The following CDKN2B-AS1 variants were observed in gnomAD, a reference collection of about 807,000 sequenced individuals.
The protein encoded by CDKN2B-AS1 is CDKN2B and CDKN2A antisense cis and trans regulatory RNA 1, also known as CDKN2B antisense RNA 1 (non-protein coding).
At chr9:22,112,220 A>G (rs1167458208) in intron 4 of CDKN2B-AS1, 1 of 152,268 alleles carries the variant, frequency 6.6e-6, no homozygotes, top group African/African-American at 2.4e-5. Flanking sequence ...GCTGGACTCT[A>G]GAACAGCCAA....
chr9:22,018,017 G>A (rs1441610443), intron 1 of CDKN2B-AS1, among the ~76,000 whole-genome samples: 2 of 152,200 alleles, frequency 1.3e-5, no homozygotes, highest in Non-Finnish European at 2.9e-5. Flanking sequence ...AGGAGGGGTA[G>A]TGAGGTATTG....
chr9:22,104,544 A>G (rs909124509), intron 4 of CDKN2B-AS1, among the ~76,000 whole-genome samples: 1 of 152,108 alleles, frequency 6.6e-6, no homozygotes, highest in African/African-American at 2.4e-5. Context: ...AGCCACTAAG[A>G]CTACTTCCCA....
intron 4 of CDKN2B-AS1, among the ~76,000 whole-genome samples, chr9:22,079,597 G>A (rs868866272): frequency 2.0e-5 from 3 of 152,066 alleles, no homozygotes; most frequent in Non-Finnish European, 1.5e-5. Context: ...GTGGAAAAGT[G>A]AATTGAGGCT....
intron 4 of CDKN2B-AS1, chr9:22,061,887 G>A (rs1366461799): frequency 6.6e-6 from 1 of 152,016 alleles, no homozygotes; most frequent in Non-Finnish European, 1.5e-5. Context: ...TGTAAAATAT[G>A]TAGGCTTGTG....
intron 4 of CDKN2B-AS1, among the ~76,000 whole-genome samples, chr9:22,082,777 C>T (rs1350932025): frequency 1.3e-5 from 2 of 152,158 alleles, no homozygotes; most frequent in African/African-American, 2.4e-5. Flanking sequence ...CTCTAGCTTG[C>T]TGGTAGTTAG....
intron 4 of CDKN2B-AS1, chr9:22,092,451 C>A (rs970952934): frequency 6.6e-6 from 1 of 152,122 alleles, no homozygotes; most frequent in African/African-American, 2.4e-5. Context: ...TCCATCTGGT[C>A]CTGGACTTTT....
intron 1 of CDKN2B-AS1, chr9:22,012,085 G>C: frequency 1.5e-6 from 1 of 679,216 alleles, no homozygotes; most frequent in Non-Finnish European, 2.6e-6. Context: ...ATATGACCTT[G>C]ATATAGAAGT....
intron 4 of CDKN2B-AS1, among the ~76,000 whole-genome samples, chr9:22,074,827 G>A (rs138092364): frequency 6.6e-6 from 1 of 152,318 alleles, no homozygotes; most frequent in African/African-American, 2.4e-5. Context: ...TCTTAAGCCA[G>A]ACAGACCAGC....
chr9:22,047,826 G>T lies in CDKN2B-AS1; in HGVS notation n.179+926G>T, dbSNP rs192662764. Among the ~76,000 whole-genome samples, 791 of 148,090 alleles carry T rather than the reference G, an allele frequency of 5.3e-3. 8 individuals are homozygous for T. Among genetic ancestry groups the T allele is most frequent in the African/African-American group, 0.018 (737 of 40,216 alleles). On this transcript the variant is annotated intron_variant and non_coding_transcript_variant, in intron 2 of 4. Coordinates refer to ENST00000650946, the Ensembl canonical transcript of CDKN2B-AS1. ...TTTTTAGACAGGGAATCATTCTGTT[G>T]CCCAGGCTGTAATGCAGTGGCACAA...
intron 1 of CDKN2B-AS1, among the ~76,000 whole-genome samples, chr9:22,033,862 C>G (rs1822578589): frequency 6.6e-6 from 1 of 152,180 alleles, no homozygotes. Flanking sequence ...TGTGCTATCT[C>G]ATTCCAGTTT....
At chr9:22,118,166 C>T (rs1415203663) in intron 4 of CDKN2B-AS1, 3 of 152,324 alleles carry the variant, frequency 2.0e-5, no homozygotes, top group South Asian at 4.2e-4. Flanking sequence ...GCCATTCTCT[C>T]CACATTGCCT....
intron 4 of CDKN2B-AS1, among the ~76,000 whole-genome samples, chr9:22,115,548 T>C (rs1825927172): frequency 6.6e-6 from 1 of 152,206 alleles, no homozygotes; most frequent in Admixed American, 6.5e-5. Context: ...GCCTTTTCTT[T>C]CTTCTCAAAA....
chr9:22,018,902 C>T (rs1431228426), intron 1 of CDKN2B-AS1, among the ~76,000 whole-genome samples: 2 of 152,130 alleles, frequency 1.3e-5, no homozygotes, highest in Non-Finnish European at 2.9e-5. Context: ...AATTTCAAAA[C>T]ATGGTAAGTG....
intron 4 of CDKN2B-AS1, among the ~76,000 whole-genome samples, chr9:22,091,551 C>T (rs573214899): frequency 2.6e-3 from 399 of 152,122 alleles, no homozygotes; most frequent in Non-Finnish European, 4.3e-3. Flanking sequence ...ACATCCCTTG[C>T]AAGTTGGATT....
intron 4 of CDKN2B-AS1, among the ~76,000 whole-genome samples, chr9:22,124,269 T>G (rs1817983000): frequency 3.3e-5 from 5 of 152,202 alleles, no homozygotes; most frequent in African/African-American, 7.2e-5. Flanking sequence ...TCCCACATTT[T>G]AAGGGCATTA....
rs184643357 is a variant in CDKN2B-AS1, at chr9:22,000,667, C to T, written n.29+5506C>T. 6.6e-6 allele frequency among the ~76,000 whole-genome samples: 1 copy of T among 152,142 alleles called. No individual in the cohort carries two copies. Among genetic ancestry groups the T allele is most frequent in the Non-Finnish European group, 1.5e-5 (1 of 68,002 alleles). ...AAAACTCTGTGTTGACAATAATCTG[C>T]TGACTTGTCTGTGGGTTTTTGAACA... is the stretch of plus-strand genomic sequence containing the variant. On this transcript the variant is annotated intron_variant and non_coding_transcript_variant, in intron 1 of 4. Coordinates refer to ENST00000650946, the Ensembl canonical transcript of CDKN2B-AS1. The surrounding 1 kb of genome is among the most constrained non-coding windows in gnomAD (Gnocchi z 4.1).
intron 2 of CDKN2B-AS1, among the ~76,000 whole-genome samples, chr9:22,048,722 A>G (rs1236785337): frequency 6.6e-6 from 1 of 152,200 alleles, no homozygotes; most frequent in Non-Finnish European, 1.5e-5. Context: ...GGAATAAGAC[A>G]TTTGGGAGAA....
intron 4 of CDKN2B-AS1, among the ~76,000 whole-genome samples, chr9:22,107,908 A>G (rs1291178813): frequency 2.6e-5 from 4 of 152,250 alleles, no homozygotes; most frequent in Admixed American, 2.6e-4. Context: ...TACATCTCAG[A>G]TAAAGAACTT....
intron 4 of CDKN2B-AS1, among the ~76,000 whole-genome samples, chr9:22,079,349 G>C (rs1374306787): frequency 6.6e-6 from 1 of 152,142 alleles, no homozygotes; most frequent in East Asian, 1.9e-4. Context: ...TTAGTTGGGC[G>C]TGGTGGCACG....
Sources: allele counts gnomAD v4.1 joint callset (sites outside exome capture counted in the v4.1 genomes callset), GRCh38; gene constraint gnomAD v4.1.1; non-coding constraint Gnocchi (gnomAD v3.1); transcripts MANE v1.5; gene names NCBI Gene and HGNC (gene_info 2026-07-23, HGNC 2026-07-21).